Variants in GTF2IRD1 observed in about 807,000 individuals in gnomAD.
The protein encoded by GTF2IRD1 is general transcription factor II-I repeat domain-containing protein 1.
In GTF2IRD1, 26 loss-of-function variants were observed where a neutral mutation model predicts 113.2. The observed-to-expected ratio is 0.23, with a 90% CI of 0.17 to 0.32. The LOEUF (loss-of-function observed/expected upper bound fraction) is 0.32. GTF2IRD1 is among the 10% of genes least tolerant of loss of function. The pLI is 1.00. For missense variants in GTF2IRD1, 864 were observed against 1,280.8 expected (o/e 0.67, Z 4.97); for synonymous variants, 484 against 529.1 (o/e 0.91, Z 1.17).
At chr7:74,553,347 G>C (rs1296216429) in intron 17 of GTF2IRD1, among the ~76,000 whole-genome samples, 5 of 152,100 alleles carry the variant, frequency 3.3e-5, no homozygotes, top group Non-Finnish European at 7.3e-5. Context: ...CTGGAGTGTA[G>C]TGGCACAATC....
At chr7:74,569,257 C>G (rs1420387123) in intron 22 of GTF2IRD1, among the ~76,000 whole-genome samples, 1 of 152,350 alleles carries the variant, frequency 6.6e-6, no homozygotes, top group Non-Finnish European at 1.5e-5. Flanking sequence ...CGCACGTCCA[C>G]GCGTGCCAGA....
At chr7:74,476,766 G>A (rs1251417594) in intron 1 of GTF2IRD1, among the ~76,000 whole-genome samples, 2 of 152,128 alleles carry the variant, frequency 1.3e-5, no homozygotes, top group African/African-American at 4.8e-5. Flanking sequence ...CATCCTGGAT[G>A]TGCCCACGCC....
chr7:74,486,329 T>G (rs1554335583), intron 1 of GTF2IRD1, among the ~76,000 whole-genome samples: 1 of 152,102 alleles, frequency 6.6e-6, no homozygotes, highest in Non-Finnish European at 1.5e-5. Flanking sequence ...GGGTGGGTGG[T>G]CCAGCCGCAG....
chr7:74,517,814 C>G (rs587766342), intron 4 of GTF2IRD1, among the ~76,000 whole-genome samples: 50 of 146,038 alleles, frequency 3.4e-4, no homozygotes, highest in Admixed American at 2.4e-3. Context: ...TGCCTCTGCT[C>G]TGTCCTCTGG....
intron 23 of GTF2IRD1, among the ~76,000 whole-genome samples, chr7:74,590,361 G>A (rs1583973131): frequency 6.6e-6 from 1 of 151,040 alleles, no homozygotes; most frequent in Non-Finnish European, 1.5e-5. Flanking sequence ...GATTACAGGT[G>A]TGAGCCACCA....
At chr7:74,491,523 C>G (rs563669294) in intron 1 of GTF2IRD1, among the ~76,000 whole-genome samples, 1 of 151,690 alleles carries the variant, frequency 6.6e-6, no homozygotes, top group African/African-American at 2.4e-5. Context: ...GCCCCCCTCT[C>G]TGTGTCCATG....
chr7:74,512,772 C>A lies in GTF2IRD1; in HGVS notation c.124-58C>A. 3 of 1,563,500 alleles carry A rather than the reference C, an allele frequency of 1.9e-6. No homozygotes were observed. Among genetic ancestry groups the A allele is most frequent in the Non-Finnish European group, 2.6e-6 (3 of 1,143,052 alleles). On this transcript the variant is annotated intron_variant, in intron 2 of 26. Coordinates refer to ENST00000424337, the MANE Select transcript of GTF2IRD1 (RefSeq NM_005685.4). This position sits in a 1 kb window ranked among gnomAD's most constrained non-coding sequence, Gnocchi z 4.4. ...TCACATCCCACCCCCGAAGTGGATA[C>A]TAGAGGTGTTCGGAGTATGGGGAGC...
chr7:74,582,398 C>T (rs1253304058), intron 22 of GTF2IRD1, among the ~76,000 whole-genome samples: 1 of 152,206 alleles, frequency 6.6e-6, no homozygotes, highest in East Asian at 1.9e-4. Flanking sequence ...GATGGGACTA[C>T]AGGTGTGCAC....
intron 7 of GTF2IRD1, 78 bp from the exon 8 acceptor site, chr7:74,523,993 C>A: frequency 9.9e-7 from 1 of 1,013,860 alleles, no homozygotes; most frequent in Non-Finnish European, 1.5e-6. Flanking sequence ...GGGGTGAAAG[C>A]CCGGTGGTCA....
chr7:74,552,949 G>A lies in GTF2IRD1; in HGVS notation c.1917-2225G>A, dbSNP rs141919999. Reference sequence around the variant, plus strand: ...GCCTCCCGGGTTCCAGCGATTCCCCGGCCTCAGCCTCCTGAGTAGCTGGGA... The same window carrying A: ...GCCTCCCGGGTTCCAGCGATTCCCCAGCCTCAGCCTCCTGAGTAGCTGGGA... On this transcript the variant is annotated intron_variant, in intron 17 of 26. Coordinates refer to ENST00000424337, the MANE Select transcript of GTF2IRD1 (RefSeq NM_005685.4). Among the ~76,000 whole-genome samples, 446 of 151,800 alleles carry A rather than the reference G, an allele frequency of 2.9e-3. 2 individuals are homozygous for A. Among genetic ancestry groups the A allele is most frequent in the African/African-American group, 0.01 (420 of 41,390 alleles).
intron 1 of GTF2IRD1, among the ~76,000 whole-genome samples, chr7:74,466,270 G>A (rs1196798600): frequency 6.6e-6 from 1 of 152,164 alleles, no homozygotes; most frequent in African/African-American, 2.4e-5. Flanking sequence ...AGGTGTGTTT[G>A]ATGGCAGCCT....
chr7:74,471,057 A>G (rs1463546181), intron 1 of GTF2IRD1, among the ~76,000 whole-genome samples: 1 of 152,058 alleles, frequency 6.6e-6, no homozygotes, highest in Non-Finnish European at 1.5e-5. Flanking sequence ...TGCCCGCCTC[A>G]GCCTCCCAAA....
intron 1 of GTF2IRD1, among the ~76,000 whole-genome samples, chr7:74,470,395 C>T (rs1295890432): frequency 6.6e-6 from 1 of 152,160 alleles, no homozygotes; most frequent in Non-Finnish European, 1.5e-5. Flanking sequence ...GAAAAGAAGC[C>T]TGTTACCTCA....
At position 74,508,155 on chromosome 7, in the gene GTF2IRD1, C is replaced by T. The variant is rs782394925; in HGVS notation, c.75C>T (p.Thr25=). 6.2e-7 allele frequency: 1 copy of T among 1,612,784 alleles called. No homozygotes were observed. The highest frequency in any genetic ancestry group is 1.7e-5 in the Admixed American group (1 of 60,006). Residue 25 remains threonine, a synonymous_variant, in exon 2 of 27, where the codon ACC becomes ACT. Coordinates refer to ENST00000424337, the MANE Select transcript of GTF2IRD1 (RefSeq NM_005685.4). ...CGPDRWNSAF[T]RKDEIITSLV... ...CCGACCGCTGGAACTCCGCGTTCAC[C>T]CGCAAAGACGAGATCATCACCAGCC...
At chr7:74,474,970 A>G (rs1432266168) in intron 1 of GTF2IRD1, among the ~76,000 whole-genome samples, 1 of 152,026 alleles carries the variant, frequency 6.6e-6, no homozygotes, top group Non-Finnish European at 1.5e-5. Context: ...AAATAAAATA[A>G]AATTAGCCAG....
intron 10 of GTF2IRD1, among the ~76,000 whole-genome samples, chr7:74,535,943 G>C (rs1048074759): frequency 6.6e-6 from 1 of 152,138 alleles, no homozygotes; most frequent in African/African-American, 2.4e-5. Context: ...CCAAATCTCT[G>C]GCCACCTCTG....
At chr7:74,470,597 A>C (rs1376310475) in intron 1 of GTF2IRD1, among the ~76,000 whole-genome samples, 1 of 152,232 alleles carries the variant, frequency 6.6e-6, no homozygotes, top group African/African-American at 2.4e-5. Flanking sequence ...TAGTGGCTTT[A>C]TTCATAATTG....
intron 2 of GTF2IRD1, among the ~76,000 whole-genome samples, chr7:74,509,876 C>G (rs1038053894): frequency 2.6e-5 from 4 of 152,066 alleles, no homozygotes; most frequent in African/African-American, 9.7e-5. Flanking sequence ...CGGGTTTCAC[C>G]ATGTTGGCCA....
intron 6 of GTF2IRD1, among the ~76,000 whole-genome samples, chr7:74,520,293 G>A (rs901109202): frequency 1.3e-5 from 2 of 151,850 alleles, no homozygotes; most frequent in South Asian, 4.2e-4. Flanking sequence ...CTGGAAGTAG[G>A]TCCTGGGGTG....
Sources: gnomAD v4.1 joint callset for allele counts (sites outside exome capture counted in the v4.1 genomes callset) on GRCh38, gnomAD v4.1.1 for gene constraint, Gnocchi (gnomAD v3.1) non-coding constraint, MANE v1.5 for transcripts, NCBI Gene and HGNC (gene_info 2026-07-23, HGNC 2026-07-21) for gene names.